Variants in TWF1 observed in about 807,000 individuals in gnomAD.
TWF1 encodes twinfilin actin binding protein 1, also known as twinfilin-1.
A neutral mutation model predicts 47.9 loss-of-function variants in TWF1; 14 were observed. That is an observed-to-expected ratio of 0.29 (90% CI 0.19 to 0.46). The LOEUF is 0.46. Among genes scored for constraint, TWF1 ranks in the 20% least tolerant of loss-of-function variants. The pLI, the probability that TWF1 is intolerant of heterozygous loss-of-function variation, is 1.00. For missense variants in TWF1, 281 were observed against 409.3 expected, an observed-to-expected ratio of 0.69 and a Z score of 2.70; for synonymous variants, 96 against 139.2, an observed-to-expected ratio of 0.69 and a Z score of 2.18.
At chr12:43,796,853 G>A (rs1942559964) in intron 8 of TWF1, 123 bp downstream of exon 8, 1 of 1,037,434 alleles carries the variant, frequency 9.6e-7, no homozygotes, top group Admixed American at 2.5e-5. Flanking sequence ...GAGATCCTAA[G>A]GATTTAGGAT....
chr12:43,797,377 T>A lies in TWF1; in HGVS notation c.685A>T (p.Ile229Phe). Residue 229 changes from isoleucine (I) to phenylalanine (F), a missense_variant, in exon 7 of 9, where the codon ATT becomes TTT. Transcript: ENST00000395510. ...NTELKDLPKR[I>F]PKDSARYHFF... Reference sequence around the variant, plus strand: ...TGGTAACGAGCTGAATCCTTGGGAATCCTCTTTGGCAAATCTTTCAGTTCT... The same window carrying A: ...TGGTAACGAGCTGAATCCTTGGGAAACCTCTTTGGCAAATCTTTCAGTTCT... 2.5e-6 allele frequency: 4 copies of A among 1,605,512 alleles called. No individual in the cohort carries two copies. Among genetic ancestry groups the A allele is most frequent in the Non-Finnish European group, 3.4e-6 (4 of 1,176,498 alleles).
At position 43,802,614 on chromosome 12, in the gene TWF1, A is replaced by G. The variant is rs1592281063; in HGVS notation, c.104-150T>C. ...AAAAGAAAAATGTGGTAACATAGAA[A>G]GTAATTATGACATAGAGTATTATAA... On this transcript the variant is annotated intron_variant, in intron 2 of 8. Coordinates refer to ENST00000395510, the MANE Select transcript of TWF1 (RefSeq NM_002822.5). 1.1e-5 allele frequency: 7 copies of G among 618,916 alleles called. No homozygotes were observed. In the East Asian group the frequency reaches 2.0e-4, roughly 18 times the overall value. The allele number at this position is 618,916 out of a possible 1,614,324, so 38.3% of individuals were successfully genotyped here.
At chr12:43,797,870 T>C (rs1167033047) in intron 5 of TWF1, 37 bp from the exon 6 acceptor site, 4 of 1,601,516 alleles carry the variant, frequency 2.5e-6, no homozygotes, top group Middle Eastern at 1.7e-4. Context: ...GTTTAGCAGT[T>C]AGCAGTATCC....
At position 43,797,893 on chromosome 12, in the gene TWF1, A is replaced by T. The variant is rs1942584148; in HGVS notation, c.484-60T>A. ...GTTAGCAGTATCCTATGGCAAACAT[A>T]AGAAAACCCAACCTCTATAAAATAG... On this transcript the variant is annotated intron_variant, in intron 5 of 8. Transcript: ENST00000395510. 3.3e-6 allele frequency: 5 copies of T among 1,537,382 alleles called. No individual in the cohort carries two copies. The Middle Eastern group carries it at 8.7e-4, about 267-fold the overall frequency.
intron 5 of TWF1, among the ~76,000 whole-genome samples, 163 bp downstream of exon 5, chr12:43,799,235 T>C (rs987534427): frequency 2.0e-5 from 3 of 152,130 alleles, no homozygotes; most frequent in African/African-American, 7.2e-5. Context: ...ACTTTTTTTT[T>C]CTGAAAAGGC....
chr12:43,803,221 T>C (rs139437629), intron 2 of TWF1, among the ~76,000 whole-genome samples: 3 of 152,250 alleles, frequency 2.0e-5, no homozygotes, highest in Non-Finnish European at 4.4e-5. Flanking sequence ...AAAGGAAAGA[T>C]ACAGAGTAAG....
At chr12:43,800,355 G>T in intron 4 of TWF1, 80 bp downstream of exon 4, 2 of 919,748 alleles carry the variant, frequency 2.2e-6, no homozygotes, top group South Asian at 1.6e-5. Flanking sequence ...ATCTGAATTC[G>T]TATCAATTAC....
At chr12:43,795,905 G>T in intron 8 of TWF1, 150 bp from the exon 9 acceptor site, 1 of 683,794 alleles carries the variant, frequency 1.5e-6, no homozygotes, top group East Asian at 2.7e-5. Context: ...CTTCTTTTGG[G>T]GGAAGGGGCT....
intron 5 of TWF1, 75 bp downstream of exon 5, chr12:43,799,323 C>T: frequency 1.0e-6 from 1 of 965,568 alleles, no homozygotes; most frequent in Non-Finnish European, 1.5e-6. Flanking sequence ...TAGTTATCCT[C>T]CCACATCTAT....
chr12:43,801,968 T>G (rs1942669643), intron 3 of TWF1, among the ~76,000 whole-genome samples: 1 of 152,154 alleles, frequency 6.6e-6, no homozygotes. Context: ...AGGCAGAGGT[T>G]GCAGTGAGCC....
rs770587411 is a variant in TWF1, at chr12:43,799,432, G to C, written c.449C>G (p.Ala150Gly). The C allele has an allele frequency of 4.3e-6, 7 of 1,609,798 alleles. No homozygotes were observed. ...SQSSPAPLTA[A>G]EEELRQIKIN... ...TTTAATCTGTCGTAGTTCTTCCTCAGCTGCAGTCAGTGGGGCAGGGGAAGA... is the reference window on the plus strand; with the variant it reads ...TTTAATCTGTCGTAGTTCTTCCTCACCTGCAGTCAGTGGGGCAGGGGAAGA... Residue 150 changes from alanine (A) to glycine (G), a missense_variant, in exon 5 of 9, where the codon GCT becomes GGT. By Grantham distance (60) the Ala-to-Gly change is moderately conservative. Transcript: ENST00000395510.
chr12:43,799,208 GT>G (rs1261224461), intron 5 of TWF1, among the ~76,000 whole-genome samples, 189 bp downstream of exon 5: 1 of 151,992 alleles, frequency 6.6e-6, no homozygotes, highest in African/African-American at 2.4e-5. Context: ...TGCATATAAA[GT>G]TTAATATTCA....
At chr12:43,801,750 T>C (rs1391334282) in intron 3 of TWF1, among the ~76,000 whole-genome samples, 3 of 152,018 alleles carry the variant, frequency 2.0e-5, no homozygotes, top group East Asian at 1.9e-4. Context: ...ACAAATTAGG[T>C]TGGACACAGT....
chr12:43,796,928 A>T (rs1388862345), intron 8 of TWF1, 48 bp downstream of exon 8: 1 of 1,576,022 alleles, frequency 6.3e-7, no homozygotes, highest in South Asian at 1.1e-5. Flanking sequence ...CATAGAAATG[A>T]AAAGAAAAAT....
In TWF1 at chr12:43,797,032, T is replaced by C. The variant is rs752549476; in HGVS notation, c.826A>G (p.Lys276Glu). 1 of 1,611,548 alleles carries C rather than the reference T, an allele frequency of 6.2e-7. No individual in the cohort carries two copies. The highest frequency in any genetic ancestry group is 1.7e-5 in the Admixed American group (1 of 59,954). The change falls in exon 8 of 9, where the codon AAG (lysine) becomes GAG (glutamate). Residue 276 changes from lysine to glutamate, a missense_variant. Physicochemically the swap from Lys to Glu is moderately conservative, Grantham distance 56. Transcript: ENST00000395510. Reference protein sequence around the residue: ...IRERMLYSSCKSRLLEIVERQ... With the variant: ...IRERMLYSSCESRLLEIVERQ... The stretch of plus-strand genomic sequence containing the variant: ...TCTACAATTTCTAGCAGACGGCTCT[T>C]GCAGCTAGAATACAGCATCCGCTCT...
At chr12:43,795,907 G>A (rs1022971764) in intron 8 of TWF1, 152 bp from the exon 9 acceptor site, 2 of 682,396 alleles carry the variant, frequency 2.9e-6, no homozygotes, top group Non-Finnish European at 4.8e-6. Flanking sequence ...TCTTTTGGGG[G>A]AAGGGGCTAA....
chr12:43,805,939 C>T (rs1284807977), intron 1 of TWF1: 5 of 1,529,382 alleles, frequency 3.3e-6, no homozygotes, highest in African/African-American at 2.7e-5. Context: ...GTGGAAGGCA[C>T]GCCCCCTTCA....
rs566665735 is a variant in TWF1, at chr12:43,802,166, C to T, written c.282+120G>A. ...CTCCGTTATCAATCCAAGGATTTTC[C>T]TCATGATCATTCCCTTCTATGGGAA... On this transcript the variant is annotated intron_variant, in intron 3 of 8. Coordinates refer to ENST00000395510, the MANE Select transcript of TWF1 (RefSeq NM_002822.5). 405 of 598,208 alleles carry T rather than the reference C, an allele frequency of 6.8e-4. 1 individual carries two copies. The highest frequency in any genetic ancestry group is 9.8e-4 in the Non-Finnish European group (368 of 375,412). 37.1% of individuals were successfully genotyped at this position (598,208 alleles called of 1,614,324 possible).
intron 6 of TWF1, 82 bp downstream of exon 6, chr12:43,797,626 A>G: frequency 6.7e-7 from 1 of 1,495,342 alleles, no homozygotes; most frequent in Non-Finnish European, 9.0e-7. Context: ...TTTAAAATGT[A>G]AAATCCATTA....
Sources: allele counts gnomAD v4.1 joint callset (sites outside exome capture counted in the v4.1 genomes callset), GRCh38; gene constraint gnomAD v4.1.1; transcripts MANE v1.5; gene names NCBI Gene and HGNC (gene_info 2026-07-23, HGNC 2026-07-21).